THSD7A: variants seen among roughly 807,000 people sequenced by gnomAD.
THSD7A encodes the protein thrombospondin type-1 domain-containing protein 7A.
A neutral mutation model predicts 231.3 loss-of-function variants in THSD7A; 96 were observed. That is an observed-to-expected ratio of 0.41 (90% confidence interval 0.35 to 0.49). The LOEUF is 0.49. Among genes scored for constraint, THSD7A ranks in the 20% least tolerant of loss-of-function variants. The probability of loss-of-function intolerance (pLI) is 0.05; values close to 1 mark genes in which losing one functional copy is unlikely to be tolerated. For missense variants in THSD7A, 2,290 were observed against 2,070.2 expected (o/e 1.11, Z -2.06); for synonymous variants, 940 against 743.3 (o/e 1.26, Z -4.30).
chr7:11,493,463 G>A (rs1786979995), intron 6 of THSD7A, among the ~76,000 whole-genome samples: 1 of 152,014 alleles, frequency 6.6e-6, no homozygotes, highest in African/African-American at 2.4e-5. Flanking sequence ...TCAATTGGAT[G>A]GACAGGGGAA....
At chr7:11,657,560 A>G (rs1470335066) in intron 1 of THSD7A, among the ~76,000 whole-genome samples, 1 of 151,772 alleles carries the variant, frequency 6.6e-6, no homozygotes, top group African/African-American at 2.4e-5. Context: ...GTGCTCACCT[A>G]CACTCTTAAG....
chr7:11,773,753 G>A (rs1030261592), intron 1 of THSD7A, among the ~76,000 whole-genome samples: 32 of 152,012 alleles, frequency 2.1e-4, no homozygotes, highest in Non-Finnish European at 4.1e-4. Flanking sequence ...TTAGGAGAGT[G>A]ATTAGTCAAA....
intron 1 of THSD7A, among the ~76,000 whole-genome samples, chr7:11,740,362 T>C (rs906469040): frequency 6.6e-6 from 1 of 151,986 alleles, no homozygotes; most frequent in Non-Finnish European, 1.5e-5. Context: ...CTATCTACAT[T>C]GCACAGTGAT....
intron 1 of THSD7A, among the ~76,000 whole-genome samples, chr7:11,768,366 A>C (rs1411060316): frequency 6.6e-6 from 1 of 152,192 alleles, no homozygotes; most frequent in Non-Finnish European, 1.5e-5. Context: ...AGGCAATCAC[A>C]AACTGGCTTG....
rs529686584 is a variant in THSD7A at position 11,612,686 on chromosome 7, T to C, written c.1023-19184A>G. The stretch of plus-strand genomic sequence containing the variant: ...AGTATTACCAGATCATCTTCCAACA[T>C]GACAATCGTAATTTATATTCTGATA... On this transcript the variant is annotated intron_variant, in intron 2 of 27. Transcript: ENST00000423059. Among the ~76,000 whole-genome samples the C allele has an allele frequency of 6.6e-5, 10 of 152,300 alleles. No individual in the cohort carries two copies. The South Asian group carries it at 2.1e-3, about 32-fold the overall frequency.
intron 23 of THSD7A, among the ~76,000 whole-genome samples, chr7:11,399,229 A>C (rs948393255): frequency 1.2e-4 from 19 of 152,316 alleles, no homozygotes; most frequent in South Asian, 2.1e-4. Flanking sequence ...ATAGTTATAT[A>C]ATCTATGGTG....
chr7:11,414,906 C>T (rs115626628), intron 17 of THSD7A, among the ~76,000 whole-genome samples: 2,252 of 152,288 alleles, frequency 0.015, 67 homozygotes, highest in African/African-American at 0.051. Context: ...TACCTAACAC[C>T]GTTACTGATA....
chr7:11,727,567 T>A (rs1161650826), intron 1 of THSD7A, among the ~76,000 whole-genome samples: 1 of 151,774 alleles, frequency 6.6e-6, no homozygotes, highest in East Asian at 1.9e-4. Context: ...AAATAATTGA[T>A]AAAAACTCTT....
chr7:11,476,075 C>CA (rs1179239273), intron 7 of THSD7A, among the ~76,000 whole-genome samples: 2 of 150,826 alleles, frequency 1.3e-5, no homozygotes, highest in Non-Finnish European at 2.9e-5. Context: ...AATACAGGTT[C>CA]AAAAAATTGG....
At position 11,832,139 on chromosome 7, in the gene THSD7A, TGCCGCCGCC is replaced by T. The variant is rs971336482; in HGVS notation, c.-202_-194del. ...CGTCCGCGGTGGTGGCCGTGGCCGCTGCCGCCGCCGCCGCCGCCTCTGGCGGGGATGCTG... is the reference window on the plus strand; with the variant it reads ...CGTCCGCGGTGGTGGCCGTGGCCGCTGCCGCCGCCTCTGGCGGGGATGCTG... On this transcript the variant is annotated 5_prime_UTR_variant, in exon 1 of 28. Coordinates refer to ENST00000423059, the MANE Select transcript of THSD7A (RefSeq NM_015204.3). 1 of 332,460 alleles carries T rather than the reference TGCCGCCGCC, an allele frequency of 3.0e-6. No homozygotes were observed. The highest frequency in any genetic ancestry group is 5.2e-6 in the Non-Finnish European group (1 of 191,820). 20.6% of individuals were successfully genotyped at this position (332,460 alleles called of 1,614,324 possible). A position where few individuals can be genotyped will look rare whatever the true frequency, so the allele number is the denominator to read the frequency against.
intron 1 of THSD7A, among the ~76,000 whole-genome samples, chr7:11,809,132 G>T (rs545112580): frequency 2.0e-5 from 3 of 152,078 alleles, no homozygotes; most frequent in African/African-American, 7.2e-5. Flanking sequence ...TAACAAAGAT[G>T]ACTAAGACAG....
chr7:11,469,821 A>C (rs1785861035), intron 9 of THSD7A, 58 bp downstream of exon 9: 1 of 1,194,098 alleles, frequency 8.4e-7, no homozygotes, highest in Admixed American at 2.0e-5. Context: ...AGAAGACCTC[A>C]GAAGTCTACC....
chr7:11,536,250 G>A (rs187728783), intron 6 of THSD7A, among the ~76,000 whole-genome samples: 5 of 152,096 alleles, frequency 3.3e-5, no homozygotes, highest in Admixed American at 6.6e-5. Context: ...TGTTTAATCG[G>A]GTCTTTGGTT....
intron 2 of THSD7A, among the ~76,000 whole-genome samples, chr7:11,610,506 T>G (rs774048395): frequency 6.6e-6 from 1 of 152,252 alleles, no homozygotes; most frequent in South Asian, 2.1e-4. Flanking sequence ...TGAGAACTAG[T>G]ATTTTAAAAG....
intron 16 of THSD7A, among the ~76,000 whole-genome samples, chr7:11,420,164 A>G (rs1472358122): frequency 6.6e-6 from 1 of 152,252 alleles, no homozygotes; most frequent in Non-Finnish European, 1.5e-5. Context: ...AGGAATTTGC[A>G]TAAGTAAAGA....
At chr7:11,810,349 G>T (rs1319540406) in intron 1 of THSD7A, among the ~76,000 whole-genome samples, 1 of 152,096 alleles carries the variant, frequency 6.6e-6, no homozygotes, top group African/African-American at 2.4e-5. Flanking sequence ...TAAATATCAG[G>T]CTTTTCTTGG....
At chr7:11,392,425 C>CCTTGGGTTT (rs1783018455) in intron 23 of THSD7A, among the ~76,000 whole-genome samples, 1 of 152,184 alleles carries the variant, frequency 6.6e-6, no homozygotes, top group Non-Finnish European at 1.5e-5. Flanking sequence ...ACCACCAGGG[C>CCTTGGGTTT]CTTGGGTTTC....
At chr7:11,541,374 C>T in intron 6 of THSD7A, 45 bp downstream of exon 6, 1 of 1,564,264 alleles carries the variant, frequency 6.4e-7, no homozygotes, top group Non-Finnish European at 8.8e-7. Context: ...AACATATATG[C>T]AGGGTTGGAC....
At chr7:11,456,112 G>A (rs887386425) in intron 11 of THSD7A, among the ~76,000 whole-genome samples, 16 of 151,952 alleles carry the variant, frequency 1.1e-4, no homozygotes, top group African/African-American at 3.6e-4. Context: ...CATAATAGGT[G>A]ACCTTTTAAG....
Sources: gnomAD v4.1 joint callset for allele counts (sites outside exome capture counted in the v4.1 genomes callset) on GRCh38, gnomAD v4.1.1 for gene constraint, MANE v1.5 for transcripts, NCBI Gene and HGNC (gene_info 2026-07-23, HGNC 2026-07-21) for gene names.